CADPS2: variants seen among roughly 807,000 people sequenced by gnomAD.
The protein encoded by CADPS2 is calcium dependent secretion activator 2, also known as calcium-dependent secretion activator 2.
In CADPS2, 93 loss-of-function variants were observed where a neutral mutation model predicts 172.5. The observed-to-expected ratio is 0.54, with a 90% CI of 0.46 to 0.64. CADPS2 has a LOEUF of 0.64. Among genes scored for constraint, CADPS2 ranks in the 30% least tolerant of loss-of-function variants. CADPS2 has a pLI of 0.00. For missense variants in CADPS2, 1,420 were observed against 1,565.9 expected (o/e 0.91, Z 1.57); for synonymous variants, 546 against 555.2 (o/e 0.98, Z 0.23).
chr7:122,644,676 G>A lies in CADPS2; in HGVS notation c.787-15348C>T, dbSNP rs527661780. On this transcript the variant is annotated intron_variant, in intron 3 of 29. Transcript: ENST00000449022. The stretch of plus-strand genomic sequence containing the variant: ...CCCCTCAAAAACAAAAATAAAAACT[G>A]GTCCTTTTTCTTAATCATTGAGAAT... Among the ~76,000 whole-genome samples the A allele has an allele frequency of 7.2e-5, 11 of 152,144 alleles. 1 individual carries two copies. In the East Asian group the frequency reaches 2.1e-3, roughly 29 times the overall value.
At chr7:122,831,927 C>A (rs1200890570) in intron 1 of CADPS2, among the ~76,000 whole-genome samples, 2 of 152,124 alleles carry the variant, frequency 1.3e-5, no homozygotes, top group African/African-American at 4.8e-5. Context: ...TTTCAATACT[C>A]CAAAGAGAAG....
At chr7:122,603,093 CA>C (rs1414041108) in intron 6 of CADPS2, among the ~76,000 whole-genome samples, 1 of 152,018 alleles carries the variant, frequency 6.6e-6, no homozygotes, top group African/African-American at 2.4e-5. Flanking sequence ...GACACAAAAC[CA>C]ATGTTGATAG....
At chr7:122,384,117 A>T (rs748060333) in intron 24 of CADPS2, among the ~76,000 whole-genome samples, 24 of 152,050 alleles carry the variant, frequency 1.6e-4, no homozygotes, top group Non-Finnish European at 3.1e-4. Flanking sequence ...CTGCTGACTC[A>T]TTTCACACAG....
chr7:122,611,681 GA>G (rs1254905742), intron 6 of CADPS2, among the ~76,000 whole-genome samples: 1 of 151,744 alleles, frequency 6.6e-6, no homozygotes, highest in Admixed American at 6.6e-5. Flanking sequence ...TCATACCTTT[GA>G]AAAAAATTGA....
At chr7:122,812,327 G>C (rs924857173) in intron 1 of CADPS2, among the ~76,000 whole-genome samples, 1 of 150,868 alleles carries the variant, frequency 6.6e-6, no homozygotes, top group Non-Finnish European at 1.5e-5. Flanking sequence ...AAGTCTATTA[G>C]ATGATAAATG....
chr7:122,588,171 C>A (rs1363562530), intron 6 of CADPS2, among the ~76,000 whole-genome samples: 1 of 152,066 alleles, frequency 6.6e-6, no homozygotes, highest in Non-Finnish European at 1.5e-5. Context: ...TGTCTGTTCA[C>A]TCTGATGATA....
At chr7:122,372,384 G>A (rs563642292) in intron 25 of CADPS2, among the ~76,000 whole-genome samples, 1 of 152,274 alleles carries the variant, frequency 6.6e-6, no homozygotes, top group Non-Finnish European at 1.5e-5. Flanking sequence ...GGAGAGAGAA[G>A]GGCACAGAGA....
chr7:122,385,506 A>G (rs763304932), intron 24 of CADPS2, among the ~76,000 whole-genome samples: 2 of 151,990 alleles, frequency 1.3e-5, no homozygotes, highest in East Asian at 1.9e-4. Flanking sequence ...TTGATTCCCA[A>G]TTGTCAACTG....
In CADPS2 at chr7:122,886,120, C is replaced by A. The variant is rs1824302458; in HGVS notation, c.218G>T (p.Arg73Leu). The A allele has an allele frequency of 6.4e-7, 1 of 1,560,630 alleles. No individual in the cohort carries two copies. The highest frequency in any genetic ancestry group is 2.4e-5 in the East Asian group (1 of 41,728). Residue 73 changes from arginine (R) to leucine (L), a missense_variant, in exon 1 of 30, where the codon CGG (arginine) becomes CTG (leucine). Transcript: ENST00000449022. ...VLSEGRDEPQ[R>L]QLDDEQERRI... ...CCGCTCCTGCTCATCGTCCAGCTGC[C>A]GCTGGGGCTCGTCTCGCCCCTCGCT...
At chr7:122,389,849 T>G (rs2151459376) in intron 22 of CADPS2, among the ~76,000 whole-genome samples, 1 of 152,068 alleles carries the variant, frequency 6.6e-6, no homozygotes, top group South Asian at 2.1e-4. Context: ...AATACCTATG[T>G]AACAAACCTG....
intron 8 of CADPS2, among the ~76,000 whole-genome samples, chr7:122,525,900 T>C (rs2061191148): frequency 6.6e-6 from 1 of 152,182 alleles, no homozygotes. Context: ...TTTGTGTTTC[T>C]AAGCATATCT....
chr7:122,658,319 A>G (rs1272439630), intron 3 of CADPS2, among the ~76,000 whole-genome samples: 3 of 152,090 alleles, frequency 2.0e-5, no homozygotes, highest in African/African-American at 4.8e-5. Context: ...AACCACTGTG[A>G]AAGACAGTGT....
intron 1 of CADPS2, among the ~76,000 whole-genome samples, chr7:122,868,595 C>T (rs758774637): frequency 9.2e-5 from 14 of 152,080 alleles, no homozygotes; most frequent in Admixed American, 3.3e-4. Context: ...AGATCTTTTA[C>T]GCAAGACCAC....
At chr7:122,450,422 A>G (rs1160020) in intron 15 of CADPS2, among the ~76,000 whole-genome samples, 64,283 of 151,714 alleles carry the variant, frequency 0.42, 13,919 homozygotes, top group African/African-American at 0.5. Flanking sequence ...TTAATTATTA[A>G]GTTCTGTTGA....
intron 2 of CADPS2, among the ~76,000 whole-genome samples, chr7:122,695,900 GCA>G (rs2085010707): frequency 6.6e-6 from 1 of 152,156 alleles, no homozygotes; most frequent in African/African-American, 2.4e-5. Flanking sequence ...AAACACAATT[GCA>G]CTGTCAGTGT....
At chr7:122,614,133 T>A (rs1379565810) in intron 6 of CADPS2, among the ~76,000 whole-genome samples, 2 of 151,702 alleles carry the variant, frequency 1.3e-5, no homozygotes, top group Non-Finnish European at 2.9e-5. Flanking sequence ...AGGGACTGCA[T>A]GAAGTCCAGG....
intron 20 of CADPS2, among the ~76,000 whole-genome samples, chr7:122,407,077 A>G (rs1317387456): frequency 6.6e-6 from 1 of 152,204 alleles, no homozygotes; most frequent in Non-Finnish European, 1.5e-5. Flanking sequence ...CCACACAGCA[A>G]TATCTCCCTA....
chr7:122,862,220 A>G (rs2141306039), intron 1 of CADPS2, among the ~76,000 whole-genome samples: 1 of 152,328 alleles, frequency 6.6e-6, no homozygotes, highest in African/African-American at 2.4e-5. Context: ...GTGATTCTCA[A>G]ACTAAATCAG....
At chr7:122,417,498 A>G (rs2048062732) in intron 17 of CADPS2, among the ~76,000 whole-genome samples, 1 of 152,212 alleles carries the variant, frequency 6.6e-6, no homozygotes, top group Non-Finnish European at 1.5e-5. Flanking sequence ...CACACTTCCA[A>G]TCTCAACTCA....
Sources: allele counts gnomAD v4.1 joint callset (sites outside exome capture counted in the v4.1 genomes callset), GRCh38; gene constraint gnomAD v4.1.1; transcripts MANE v1.5; gene names NCBI Gene and HGNC (gene_info 2026-07-23, HGNC 2026-07-21).